Variants in GCA observed in about 807,000 individuals in gnomAD.
GCA encodes grancalcin, also known as grancalcin, EF-hand calcium-binding protein.
Under a neutral mutation model 32.6 loss-of-function variants are expected in GCA, and 30 were observed. That is an observed-to-expected ratio of 0.92 (90% CI 0.69 to 1.25). The LOEUF (loss-of-function observed/expected upper bound fraction) is 1.25. GCA is among the 50% of genes most tolerant of loss of function. The pLI is 0.00. For synonymous variants in GCA, 102 were observed against 84.6 expected, an observed-to-expected ratio of 1.21 and a Z score of -1.13; for missense variants, 291 against 266.8, an observed-to-expected ratio of 1.09 and a Z score of -0.63.
chr2:162,348,407 G>T (rs924834453), intron 2 of GCA, among the ~76,000 whole-genome samples: 1 of 152,094 alleles, frequency 6.6e-6, no homozygotes, highest in Admixed American at 6.6e-5. Flanking sequence ...TATTCAGGTT[G>T]AGAAATTACA....
intron 7 of GCA, 65 bp from the exon 8 acceptor site, chr2:162,360,152 A>C: frequency 1.0e-6 from 1 of 972,198 alleles, no homozygotes; most frequent in Non-Finnish European, 1.6e-6. Flanking sequence ...TATGGAATAT[A>C]ATTAGTCAAA....
chr2:162,322,453 A>G (rs1207281593), intron 1 of GCA, among the ~76,000 whole-genome samples: 1 of 150,986 alleles, frequency 6.6e-6, no homozygotes, highest in Non-Finnish European at 1.5e-5. Flanking sequence ...CATGTGCACA[A>G]TGTGCAGGTT....
chr2:162,355,607 G>GA (rs1455721676), intron 3 of GCA, among the ~76,000 whole-genome samples: 1 of 151,796 alleles, frequency 6.6e-6, no homozygotes, highest in East Asian at 1.9e-4. Flanking sequence ...AATTGGATTA[G>GA]AAAAATTAGA....
chr2:162,325,110 C>G (rs1683828609), intron 1 of GCA, among the ~76,000 whole-genome samples: 1 of 152,142 alleles, frequency 6.6e-6, no homozygotes, highest in South Asian at 2.1e-4. Flanking sequence ...ATACTAACAA[C>G]AACAACATTG....
chr2:162,367,381 T>C (rs1485827189), downstream of GCA, among the ~76,000 whole-genome samples: 1 of 151,986 alleles, frequency 6.6e-6, no homozygotes. Flanking sequence ...TTGTATTTTG[T>C]AAATGTATTT....
chr2:162,327,563 C>G (rs1228966366), intron 1 of GCA, among the ~76,000 whole-genome samples: 1 of 152,148 alleles, frequency 6.6e-6, no homozygotes, highest in East Asian at 1.9e-4. Context: ...AAGAAGCACC[C>G]TGTAGGGTCC....
rs1684787994 is a variant in GCA at position 162,347,845 on chromosome 2, T to G, written c.192+103T>G. 4.8e-6 allele frequency: 3 copies of G among 621,302 alleles called. No homozygotes were observed. The East Asian group carries it at 9.5e-5, about 20-fold the overall frequency. The allele number at this position is 621,302 out of a possible 1,614,324, so 38.5% of individuals were successfully genotyped here. A position where few individuals can be genotyped will look rare whatever the true frequency, so the allele number is the denominator to read the frequency against. On this transcript the variant is annotated intron_variant, in intron 2 of 7. Transcript: ENST00000437150. ...TTTTAAATGTATATGAAATTTATAT[T>G]TTATATGTATCTAGACTAATTTTTT...
In GCA at chr2:162,359,123, T is replaced by C. The variant is rs2105350255; in HGVS notation, c.534T>C (p.Tyr178=). Reference sequence around the variant, plus strand: ...ATGGCAGAATTTTCTTTGATGATTATGTTGCTTGCTGTGTGAAGCTTCGAG... The same window carrying C: ...ATGGCAGAATTTTCTTTGATGATTACGTTGCTTGCTGTGTGAAGCTTCGAG... ...SKNGRIFFDD[Y]VACCVKLRAL... The change falls in exon 6 of 8, where the codon TAT becomes TAC. Residue 178 remains tyrosine, a synonymous_variant. Transcript: ENST00000437150. 1 of 1,605,616 alleles carries C rather than the reference T, an allele frequency of 6.2e-7. No homozygotes were observed. The highest frequency in any genetic ancestry group is 2.2e-5 in the East Asian group (1 of 44,658).
upstream of GCA, among the ~76,000 whole-genome samples, chr2:162,341,353 G>C (rs1684444316): frequency 6.8e-6 from 1 of 147,736 alleles, no homozygotes; most frequent in South Asian, 2.1e-4. Flanking sequence ...TTGCTGAGGA[G>C]CTGTGACTCT....
chr2:162,348,382 A>G (rs1458475305), intron 2 of GCA, among the ~76,000 whole-genome samples: 1 of 152,184 alleles, frequency 6.6e-6, no homozygotes, highest in Non-Finnish European at 1.5e-5. Context: ...AAATCACTTC[A>G]GAGTCTCGTA....
upstream of GCA, chr2:162,344,088 G>A: frequency 2.8e-6 from 2 of 712,620 alleles, no homozygotes; most frequent in Non-Finnish European, 4.9e-6. Flanking sequence ...GGGCGGGGCT[G>A]GCCTGCGGAA....
chr2:162,328,034 C>T (rs1015700922), intron 1 of GCA, among the ~76,000 whole-genome samples: 12 of 152,072 alleles, frequency 7.9e-5, no homozygotes, highest in African/African-American at 2.9e-4. Flanking sequence ...AGCCCTTTAG[C>T]CCGTCGCTGC....
chr2:162,371,974 T>G (rs1261519207), downstream of GCA: 14 of 1,613,842 alleles, frequency 8.7e-6, no homozygotes, highest in Non-Finnish European at 1.2e-5. Flanking sequence ...TAAAGAGAGA[T>G]CACTGTCTTG....
upstream of GCA, among the ~76,000 whole-genome samples, chr2:162,340,690 C>T (rs1038145768): frequency 6.6e-6 from 1 of 152,184 alleles, no homozygotes; most frequent in Non-Finnish European, 1.5e-5. Context: ...CCAATGTCCC[C>T]GCTTCTGCAA....
intron 1 of GCA, among the ~76,000 whole-genome samples, chr2:162,326,719 T>C (rs2105262658): frequency 6.6e-6 from 1 of 152,330 alleles, no homozygotes; most frequent in South Asian, 2.1e-4. Context: ...GGTTTCACCA[T>C]GTTGGCCAGG....
At chr2:162,357,974 A>T (rs1274479592) in intron 5 of GCA, among the ~76,000 whole-genome samples, 1 of 151,698 alleles carries the variant, frequency 6.6e-6, no homozygotes, top group African/African-American at 2.4e-5. Context: ...ACTCTCTAAT[A>T]TGAAGTTCAA....
intron 1 of GCA, among the ~76,000 whole-genome samples, chr2:162,330,608 G>T (rs1289136331): frequency 6.6e-6 from 1 of 152,168 alleles, no homozygotes; most frequent in Non-Finnish European, 1.5e-5. Flanking sequence ...GTCCAGATTA[G>T]ACTTACATGG....
intron 2 of GCA, among the ~76,000 whole-genome samples, chr2:162,351,620 T>C (rs1323053793): frequency 1.3e-5 from 2 of 152,204 alleles, no homozygotes; most frequent in East Asian, 3.8e-4. Flanking sequence ...GGATCTCTTA[T>C]GAAGAGTAGG....
intron 1 of GCA, among the ~76,000 whole-genome samples, chr2:162,325,277 G>A (rs976301866): frequency 6.6e-6 from 1 of 152,128 alleles, no homozygotes; most frequent in Non-Finnish European, 1.5e-5. Flanking sequence ...GGCCACTAAA[G>A]CTTCTGTCTC....
Sources: gnomAD v4.1 joint callset for allele counts (sites outside exome capture counted in the v4.1 genomes callset) on GRCh38, gnomAD v4.1.1 for gene constraint, MANE v1.5 for transcripts, NCBI Gene and HGNC (gene_info 2026-07-23, HGNC 2026-07-21) for gene names.